ASTN2: variants seen among roughly 807,000 people sequenced by gnomAD.
ASTN2 encodes astrotactin-2.
ASTN2 carries 54 observed loss-of-function variants against 139.8 expected under a neutral mutation model. The ratio of observed to expected loss-of-function variants is 0.39; its 90% CI spans 0.31 to 0.48. The LOEUF (loss-of-function observed/expected upper bound fraction) is 0.48, where lower values mean the gene tolerates loss of function less well. Among genes scored for constraint, ASTN2 ranks in the 20% least tolerant of loss-of-function variants. The pLI, the probability that ASTN2 is intolerant of heterozygous loss-of-function variation, is 0.95. For synonymous variants in ASTN2, 756 were observed against 719.5 expected (o/e 1.05, Z -0.81); for missense variants, 1,565 against 1,725.1 (o/e 0.91, Z 1.64).
intron 11 of ASTN2, among the ~76,000 whole-genome samples, chr9:116,828,359 C>T (rs1831704516): frequency 6.6e-6 from 1 of 150,438 alleles, no homozygotes. Flanking sequence ...AAAGATAGTA[C>T]ACCATGACAT....
chr9:116,844,388 T>C (rs974406828), intron 11 of ASTN2, among the ~76,000 whole-genome samples: 5 of 152,208 alleles, frequency 3.3e-5, no homozygotes, highest in African/African-American at 1.2e-4. Context: ...TACACACAGC[T>C]TCCTTTTCTC....
chr9:117,192,036 G>T (rs1289015107), intron 3 of ASTN2, among the ~76,000 whole-genome samples: 3 of 152,144 alleles, frequency 2.0e-5, no homozygotes, highest in African/African-American at 7.2e-5. Flanking sequence ...ATTTTAAGGG[G>T]CTCTAGTGAC....
intron 2 of ASTN2, among the ~76,000 whole-genome samples, chr9:117,270,578 C>T (rs149647324): frequency 2.9e-3 from 437 of 152,268 alleles, no homozygotes; most frequent in Non-Finnish European, 4.8e-3. Context: ...TTCAATTATC[C>T]CCAAGGGATA....
chr9:117,280,737 G>A (rs539432110), intron 2 of ASTN2, among the ~76,000 whole-genome samples: 3 of 152,106 alleles, frequency 2.0e-5, no homozygotes, highest in South Asian at 2.1e-4. Context: ...AATTTGTCAC[G>A]GCAGCCTTAG....
At chr9:116,511,981 G>T (rs1850407208) in intron 19 of ASTN2, among the ~76,000 whole-genome samples, 4 of 151,908 alleles carry the variant, frequency 2.6e-5, no homozygotes, top group Admixed American at 2.6e-4. Context: ...TTTTTTGAAG[G>T]GTTTTTCGTG....
At chr9:116,756,108 A>G (rs995257883) in intron 13 of ASTN2, among the ~76,000 whole-genome samples, 1 of 152,200 alleles carries the variant, frequency 6.6e-6, no homozygotes, top group Admixed American at 6.5e-5. Context: ...TTTCAGATAA[A>G]TATTGTTTGG....
At chr9:116,615,603 T>C (rs564553099) in intron 19 of ASTN2, among the ~76,000 whole-genome samples, 2 of 152,062 alleles carry the variant, frequency 1.3e-5, no homozygotes, top group East Asian at 3.9e-4. Context: ...GAAACCATCA[T>C]TCTCAGCAAA....
At chr9:116,610,209 A>T (rs1478278547) in intron 19 of ASTN2, among the ~76,000 whole-genome samples, 1 of 152,202 alleles carries the variant, frequency 6.6e-6, no homozygotes, top group African/African-American at 2.4e-5. Flanking sequence ...TTACGGTCTA[A>T]ACACCCCAAA....
At chr9:117,199,142 A>G (rs951494366) in intron 3 of ASTN2, among the ~76,000 whole-genome samples, 1 of 152,052 alleles carries the variant, frequency 6.6e-6, no homozygotes, top group African/African-American at 2.4e-5. Context: ...TTAATTAGAT[A>G]CCATTTGTCA....
intron 2 of ASTN2, among the ~76,000 whole-genome samples, chr9:117,244,552 A>T (rs1442465537): frequency 2.4e-5 from 3 of 124,160 alleles, no homozygotes; most frequent in Non-Finnish European, 3.2e-5. Context: ...AAGGTAGGAC[A>T]GTGGGGAAGG....
intron 6 of ASTN2, among the ~76,000 whole-genome samples, chr9:117,011,432 G>T (rs907454091): frequency 1.3e-5 from 2 of 152,162 alleles, no homozygotes; most frequent in African/African-American, 4.8e-5. Flanking sequence ...GGCCATTTGT[G>T]AATAAGGAAA....
At chr9:116,922,755 AT>A (rs1321904544) in intron 10 of ASTN2, among the ~76,000 whole-genome samples, 1 of 152,214 alleles carries the variant, frequency 6.6e-6, no homozygotes, top group African/African-American at 2.4e-5. Flanking sequence ...TGTGATCCCA[AT>A]CAGATTAAAA....
chr9:116,758,037 C>A (rs144936153), intron 13 of ASTN2, among the ~76,000 whole-genome samples: 1 of 152,062 alleles, frequency 6.6e-6, no homozygotes, highest in African/African-American at 2.4e-5. Context: ...CTAGAAGAAG[C>A]CTGAGAGATC....
chr9:117,406,555 A>G (rs2130971594), intron 1 of ASTN2, among the ~76,000 whole-genome samples: 1 of 152,146 alleles, frequency 6.6e-6, no homozygotes, highest in Non-Finnish European at 1.5e-5. Context: ...TGAAAGGTCC[A>G]GGTGTGCTCC....
intron 1 of ASTN2, among the ~76,000 whole-genome samples, chr9:117,337,632 A>T (rs1001271898): frequency 1.3e-5 from 2 of 152,190 alleles, no homozygotes; most frequent in Non-Finnish European, 2.9e-5. Flanking sequence ...TATAACTTCA[A>T]TATGTTTGAA....
chr9:116,768,300 C>A (rs1399338243), intron 13 of ASTN2, among the ~76,000 whole-genome samples: 2 of 139,038 alleles, frequency 1.4e-5, no homozygotes, highest in African/African-American at 5.0e-5. Context: ...TCCAATTTGC[C>A]AAAACTGCTG....
intron 10 of ASTN2, among the ~76,000 whole-genome samples, chr9:116,908,080 C>A (rs1169613407): frequency 6.6e-6 from 1 of 152,126 alleles, no homozygotes; most frequent in Non-Finnish European, 1.5e-5. Context: ...TAAAGGCTTG[C>A]AGGGTGAGGC....
At chr9:117,005,945 A>G (rs1024959323) in intron 7 of ASTN2, among the ~76,000 whole-genome samples, 1 of 152,124 alleles carries the variant, frequency 6.6e-6, no homozygotes, top group African/African-American at 2.4e-5. Context: ...GATGTTGGGG[A>G]GAACACAAGT....
intron 13 of ASTN2, among the ~76,000 whole-genome samples, chr9:116,758,468 C>G (rs1829590024): frequency 6.6e-6 from 1 of 152,204 alleles, no homozygotes. Context: ...GGAGGACACC[C>G]AGGCTAAGAA....
Sources: allele counts gnomAD v4.1 joint callset (sites outside exome capture counted in the v4.1 genomes callset), GRCh38; gene constraint gnomAD v4.1.1; transcripts MANE v1.5; gene names NCBI Gene and HGNC (gene_info 2026-07-23, HGNC 2026-07-21).